Variants in DOCK10 observed in about 807,000 individuals in gnomAD.
The protein encoded by DOCK10 is dedicator of cytokinesis 10.
In DOCK10, 145 loss-of-function variants were observed where a neutral mutation model predicts 280.1. That is an observed-to-expected ratio of 0.52 (90% CI 0.45 to 0.59). The LOEUF is 0.59. Ranked by LOEUF, DOCK10 falls within the 20% of genes least tolerant of loss-of-function variation. DOCK10 has a pLI of 0.00. For synonymous variants in DOCK10, 915 were observed against 942.2 expected, an observed-to-expected ratio of 0.97 and a Z score of 0.53; for missense variants, 2,368 against 2,651.7, an observed-to-expected ratio of 0.89 and a Z score of 2.35.
rs1690450914 is a variant in DOCK10 at position 225,042,169 on chromosome 2, G to A, written c.123+83C>T. The A allele has an allele frequency of 1.7e-5, 20 of 1,207,378 alleles. No individual in the cohort carries two copies. The highest frequency in any genetic ancestry group is 3.2e-5 in the African/African-American group (2 of 63,352). The allele number at this position is 1,207,378 out of a possible 1,614,324, so 74.8% of individuals were successfully genotyped here. On this transcript the variant is annotated intron_variant, in intron 1 of 55. Transcript: ENST00000258390. This position sits in a 1 kb window ranked among gnomAD's most constrained non-coding sequence, Gnocchi z 5.1. ...CCGTGAGCTGCGGGGACCTGGGCCC[G>A]CCGAGCTTTTGGGGAAGCTGGGCTC...
intron 1 of DOCK10, among the ~76,000 whole-genome samples, chr2:225,003,634 T>G (rs958112155): frequency 6.6e-6 from 1 of 152,226 alleles, no homozygotes; most frequent in African/African-American, 2.4e-5. Context: ...AGTTTCAAAT[T>G]AAAAGTTTTA....
At chr2:224,980,756 G>C (rs2126250171) in intron 1 of DOCK10, among the ~76,000 whole-genome samples, 1 of 152,226 alleles carries the variant, frequency 6.6e-6, no homozygotes, top group Middle Eastern at 3.4e-3. Flanking sequence ...GTGTGATTCG[G>C]GGAACTGGTA....
intron 1 of DOCK10, among the ~76,000 whole-genome samples, chr2:225,000,207 CACACACACACACACACAG>C (rs1196621995): frequency 1.8e-5 from 2 of 108,668 alleles, no homozygotes; most frequent in African/African-American, 2.6e-5. Context: ...CACACACAGA[CACACACACACACACACAG>C]ACACACACAC....
At chr2:224,984,839 A>G (rs1405527377) in intron 1 of DOCK10, among the ~76,000 whole-genome samples, 2 of 110,328 alleles carry the variant, frequency 1.8e-5, no homozygotes, top group Admixed American at 2.6e-4. Context: ...CACACAGGAA[A>G]CTTTTTTTTT....
At chr2:224,932,096 G>C (rs988562092) in intron 1 of DOCK10, among the ~76,000 whole-genome samples, 1 of 152,100 alleles carries the variant, frequency 6.6e-6, no homozygotes, top group Admixed American at 6.5e-5. Flanking sequence ...TAAAAATGTT[G>C]GCACCTTGTT....
intron 1 of DOCK10, among the ~76,000 whole-genome samples, chr2:224,940,208 T>C (rs12694647): frequency 0.54 from 81,600 of 151,972 alleles, 23,540 homozygotes; most frequent in Non-Finnish European, 0.64. Context: ...TCCATTAGTT[T>C]GAATCATCAA....
chr2:224,958,819 C>T lies in DOCK10; in HGVS notation c.124-27151G>A, dbSNP rs546715071. Reference sequence around the variant, plus strand: ...GTGGCAAATACCAACATTATAATTACCAATTTGATGTTGTGAACAGCAGAA... The same window carrying T: ...GTGGCAAATACCAACATTATAATTATCAATTTGATGTTGTGAACAGCAGAA... On this transcript the variant is annotated intron_variant, in intron 1 of 55. Coordinates refer to ENST00000258390, the MANE Select transcript of DOCK10 (RefSeq NM_014689.3). 2.6e-5 allele frequency among the ~76,000 whole-genome samples: 4 copies of T among 152,278 alleles called. No individual in the cohort carries two copies. In the South Asian group the frequency reaches 6.2e-4, roughly 24 times the overall value.
intron 31 of DOCK10, among the ~76,000 whole-genome samples, chr2:224,811,667 G>A (rs1339548222): frequency 6.6e-6 from 1 of 152,164 alleles, no homozygotes; most frequent in Non-Finnish European, 1.5e-5. Flanking sequence ...TTTGTATAAG[G>A]TGTAAGGAAG....
intron 19 of DOCK10, among the ~76,000 whole-genome samples, chr2:224,845,880 T>C (rs1206456486): frequency 6.6e-6 from 1 of 152,156 alleles, no homozygotes; most frequent in Non-Finnish European, 1.5e-5. Context: ...CACACTATCA[T>C]GCCAAGCTAA....
chr2:224,935,297 G>T (rs1187492467), intron 1 of DOCK10, among the ~76,000 whole-genome samples: 8 of 152,162 alleles, frequency 5.3e-5, no homozygotes, highest in Non-Finnish European at 7.4e-5. Context: ...ATGAAGAAAT[G>T]ACATTGAAGA....
intron 1 of DOCK10, among the ~76,000 whole-genome samples, chr2:225,016,509 A>G (rs1689593696): frequency 2.0e-5 from 3 of 149,138 alleles, no homozygotes. Flanking sequence ...ATACATATAT[A>G]TGTATATATC....
In DOCK10 at chr2:225,015,695, T is replaced by C. The variant is rs187181232; in HGVS notation, c.123+26557A>G. Among the ~76,000 whole-genome samples the C allele has an allele frequency of 7.7e-4, 117 of 152,316 alleles. 1 individual carries two copies. The East Asian group carries it at 0.02, about 26-fold the overall frequency. On this transcript the variant is annotated intron_variant, in intron 1 of 55. Coordinates refer to ENST00000258390, the MANE Select transcript of DOCK10 (RefSeq NM_014689.3). ...CCTTTTCAAGAGCAGTGGAGCTCCA[T>C]TGCAATCAATACCCCAGTCTGCTTC... is the stretch of plus-strand genomic sequence containing the variant.
At chr2:224,795,695 G>A (rs1391417456) in intron 44 of DOCK10, among the ~76,000 whole-genome samples, 1 of 152,208 alleles carries the variant, frequency 6.6e-6, no homozygotes, top group Non-Finnish European at 1.5e-5. Context: ...GCAAGATCGA[G>A]GCAGTAGAGG....
intron 1 of DOCK10, among the ~76,000 whole-genome samples, chr2:225,016,561 A>ATG (rs1689598071): frequency 1.4e-5 from 2 of 141,412 alleles, no homozygotes; most frequent in African/African-American, 5.2e-5. Flanking sequence ...ACATAGATAC[A>ATG]TATATCTATG....
At chr2:224,818,605 A>G (rs1403751199) in intron 29 of DOCK10, among the ~76,000 whole-genome samples, 5 of 152,018 alleles carry the variant, frequency 3.3e-5, no homozygotes, top group African/African-American at 9.7e-5. Context: ...TCACCGTGTT[A>G]GCCAGGATGG....
At chr2:224,868,866 A>C (rs1369295950) in intron 11 of DOCK10, among the ~76,000 whole-genome samples, 1 of 152,172 alleles carries the variant, frequency 6.6e-6, no homozygotes, top group Admixed American at 6.5e-5. Context: ...TAAAGTGGGA[A>C]CTCAAAACAC....
chr2:224,870,613 T>C (rs1214986967), intron 11 of DOCK10, among the ~76,000 whole-genome samples: 1 of 152,098 alleles, frequency 6.6e-6, no homozygotes, highest in Non-Finnish European at 1.5e-5. Flanking sequence ...TGATACAGTA[T>C]TCCTTGGTTT....
intron 1 of DOCK10, among the ~76,000 whole-genome samples, chr2:224,971,805 T>C (rs1323082948): frequency 6.6e-6 from 1 of 152,174 alleles, no homozygotes; most frequent in African/African-American, 2.4e-5. Flanking sequence ...AGATTTAGCA[T>C]CCAAATTGAA....
intron 11 of DOCK10, among the ~76,000 whole-genome samples, chr2:224,869,956 A>G (rs555498272): frequency 2.4e-4 from 37 of 152,326 alleles, no homozygotes; most frequent in Non-Finnish European, 3.7e-4. Context: ...TTTATTTAAC[A>G]AGGTGACTAA....
Sources: gnomAD v4.1 joint callset for allele counts (sites outside exome capture counted in the v4.1 genomes callset) on GRCh38, gnomAD v4.1.1 for gene constraint, Gnocchi (gnomAD v3.1) non-coding constraint, MANE v1.5 for transcripts, NCBI Gene and HGNC (gene_info 2026-07-23, HGNC 2026-07-21) for gene names.